The following THEMIS variants were observed in gnomAD, a reference collection of about 807,000 sequenced individuals.
THEMIS encodes protein THEMIS.
A neutral mutation model predicts 52.6 loss-of-function variants in THEMIS; 37 were observed. That is an observed-to-expected ratio of 0.70 (90% CI 0.54 to 0.93). The LOEUF is 0.93. Ranked by LOEUF, THEMIS falls within the 40% of genes least tolerant of loss-of-function variation. The probability of loss-of-function intolerance (pLI) is 0.00; values close to 1 mark genes in which losing one functional copy is unlikely to be tolerated. For missense variants in THEMIS, 808 were observed against 763.1 expected (o/e 1.06, Z -0.69); for synonymous variants, 292 against 272.7 (o/e 1.07, Z -0.70).
At chr6:127,887,520 C>T (rs1323209119) in intron 1 of THEMIS, among the ~76,000 whole-genome samples, 2 of 151,974 alleles carry the variant, frequency 1.3e-5, no homozygotes, top group East Asian at 1.9e-4. Flanking sequence ...ATACTATTTA[C>T]CAATAAAAAG....
intron 4 of THEMIS, among the ~76,000 whole-genome samples, chr6:127,728,972 A>G (rs564195763): frequency 5.9e-5 from 9 of 152,262 alleles, no homozygotes; most frequent in Non-Finnish European, 1.2e-4. Flanking sequence ...CTTCAAATAC[A>G]CTTGAACCCC....
chr6:127,785,716 A>G (rs1353424598), intron 4 of THEMIS, among the ~76,000 whole-genome samples: 2 of 152,002 alleles, frequency 1.3e-5, no homozygotes, highest in African/African-American at 4.8e-5. Flanking sequence ...TACTACAAAT[A>G]TAGACCAAAA....
At chr6:127,870,125 C>T (rs1298587379) in intron 1 of THEMIS, among the ~76,000 whole-genome samples, 1 of 152,196 alleles carries the variant, frequency 6.6e-6, no homozygotes, top group Non-Finnish European at 1.5e-5. Context: ...ACTGATATGT[C>T]CTTTCTCCTT....
chr6:127,866,059 A>C (rs1282971633), intron 1 of THEMIS, among the ~76,000 whole-genome samples: 1 of 152,034 alleles, frequency 6.6e-6, no homozygotes, highest in Non-Finnish European at 1.5e-5. Flanking sequence ...CAATATTTAC[A>C]TTTGGGTGGA....
At chr6:127,897,222 T>C (rs1780995390) in intron 1 of THEMIS, among the ~76,000 whole-genome samples, 1 of 151,354 alleles carries the variant, frequency 6.6e-6, no homozygotes, top group Non-Finnish European at 1.5e-5. Context: ...AATACATATT[T>C]TCATGAACTT....
downstream of THEMIS, among the ~76,000 whole-genome samples, chr6:127,705,462 A>G (rs115801460): frequency 4.6e-3 from 697 of 152,310 alleles, 4 homozygotes; most frequent in African/African-American, 0.016. Context: ...TGCCTGTCAC[A>G]AAGACCAATG....
chr6:127,843,675 T>C (rs925407495), intron 2 of THEMIS, among the ~76,000 whole-genome samples: 3 of 151,962 alleles, frequency 2.0e-5, no homozygotes, highest in Non-Finnish European at 4.4e-5. Context: ...ACACCCTTGT[T>C]CAGTGCCCTC....
At chr6:127,798,861 G>A (rs925929295) in intron 4 of THEMIS, among the ~76,000 whole-genome samples, 40 of 151,548 alleles carry the variant, frequency 2.6e-4, no homozygotes, top group Non-Finnish European at 5.2e-4. Flanking sequence ...GCGTGGTGGC[G>A]GGCGCCTGTA....
In THEMIS at chr6:127,813,611, G is replaced by A. The variant is rs1778016532; in HGVS notation, c.1030C>T (p.Arg344Trp). 7.4e-6 allele frequency: 12 copies of A among 1,614,024 alleles called. No homozygotes were observed. The highest frequency in any genetic ancestry group is 1.0e-5 in the Non-Finnish European group (12 of 1,179,994). ...GCCGTTGGGAACTCCCTCGGTCGCC[G>A]CTTGAACTTGCCTTTATAGCTAGTG... ...IPTSYKGKFK[R>W]RPREFPTAYD... The change falls in exon 4 of 6, where the codon CGG becomes TGG. Residue 344 changes from arginine (R) to tryptophan (W), a missense_variant. Transcript: ENST00000368248.
chr6:127,829,599 T>G lies in THEMIS; in HGVS notation c.586A>C (p.Arg196=), dbSNP rs772102816. ...TCTGTAAGGTTTACAGTTCTTGTTC[T>G]GTTCTTAGGAATCTTCCATTCAACA... is the stretch of plus-strand genomic sequence containing the variant. The part of the protein sequence containing the change: ...EIVEWKIPKN[R]TRTVNLTDFS... The change falls in exon 3 of 6, where the codon AGA becomes CGA. Residue 196 remains arginine, a synonymous_variant. Transcript: ENST00000368248. 8 of 1,614,038 alleles carry G rather than the reference T, an allele frequency of 5.0e-6. No homozygotes were observed. In the Admixed American group the frequency reaches 1.3e-4, roughly 27 times the overall value.
intron 4 of THEMIS, among the ~76,000 whole-genome samples, chr6:127,742,268 T>C (rs1360504076): frequency 6.9e-6 from 1 of 145,196 alleles, no homozygotes; most frequent in Non-Finnish European, 1.5e-5. Flanking sequence ...TGAGCGGAGA[T>C]CATGCCACTG....
At chr6:127,703,117 G>T (rs1397388241), downstream of THEMIS, among the ~76,000 whole-genome samples, 1 of 132,236 alleles carries the variant, frequency 7.6e-6, no homozygotes, top group Non-Finnish European at 1.5e-5. Flanking sequence ...GCGGGATCTC[G>T]GCTCACTGCA....
At chr6:127,902,423 C>T (rs1781165664), upstream of THEMIS, among the ~76,000 whole-genome samples, 1 of 151,608 alleles carries the variant, frequency 6.6e-6, no homozygotes, top group South Asian at 2.1e-4. Flanking sequence ...CAAACCCAGG[C>T]ACTTATCTAT....
intron 1 of THEMIS, among the ~76,000 whole-genome samples, chr6:127,861,058 C>T (rs765349128): frequency 6.6e-6 from 1 of 152,068 alleles, no homozygotes; most frequent in Non-Finnish European, 1.5e-5. Flanking sequence ...GACTGTGCAT[C>T]TTCTGATACT....
chr6:127,703,411 A>G (rs1332131667), downstream of THEMIS, among the ~76,000 whole-genome samples: 1 of 152,124 alleles, frequency 6.6e-6, no homozygotes, highest in African/African-American at 2.4e-5. Context: ...ACCAAACACT[A>G]AGTTTACTTA....
intron 3 of THEMIS, among the ~76,000 whole-genome samples, chr6:127,828,116 G>A (rs1325370640): frequency 2.0e-5 from 3 of 152,060 alleles, no homozygotes; most frequent in African/African-American, 7.2e-5. Context: ...CATTTCCTCG[G>A]AGTAGTTTTT....
intron 1 of THEMIS, among the ~76,000 whole-genome samples, chr6:127,869,776 A>G (rs967837608): frequency 1.3e-5 from 2 of 152,204 alleles, no homozygotes; most frequent in African/African-American, 4.8e-5. Flanking sequence ...CTTTAGCCAA[A>G]GGGCTAGGAA....
rs550034058 is a variant in THEMIS, at chr6:127,772,198, GT to G, written c.1758+40684del. Among the ~76,000 whole-genome samples, 20 of 147,860 alleles carry G rather than the reference GT, an allele frequency of 1.4e-4. 1 individual carries two copies. Among genetic ancestry groups the G allele is most frequent in the South Asian group, 4.3e-4 (2 of 4,686 alleles). ...GATTATTCTCATGAATGCACATATG[GT>G]TTTTTTTTTAATAAGACAGATAATG... On this transcript the variant is annotated intron_variant, in intron 4 of 5. Coordinates refer to ENST00000368248, the MANE Select transcript of THEMIS (RefSeq NM_001010923.3).
At chr6:127,804,929 T>G (rs1018335522) in intron 4 of THEMIS, among the ~76,000 whole-genome samples, 1 of 152,122 alleles carries the variant, frequency 6.6e-6, no homozygotes, top group Non-Finnish European at 1.5e-5. Context: ...CAGAATAATA[T>G]TGGTATCTTT....
Sources: allele counts gnomAD v4.1 joint callset (sites outside exome capture counted in the v4.1 genomes callset), GRCh38; gene constraint gnomAD v4.1.1; transcripts MANE v1.5; gene names NCBI Gene and HGNC (gene_info 2026-07-23, HGNC 2026-07-21).